KCNQ2: variants seen among roughly 807,000 people sequenced by gnomAD.
The protein encoded by KCNQ2 is potassium voltage-gated channel subfamily KQT member 2.
KCNQ2 carries 14 observed loss-of-function variants against 84.8 expected under a neutral mutation model. The ratio of observed to expected loss-of-function variants is 0.17; its 90% confidence interval spans 0.11 to 0.26. The LOEUF (loss-of-function observed/expected upper bound fraction) is 0.26. Ranked by LOEUF, KCNQ2 falls within the 10% of genes least tolerant of loss-of-function variation. KCNQ2 has a pLI of 1.00. For missense variants in KCNQ2, 788 were observed against 1,254.0 expected (o/e 0.63, Z 5.61); for synonymous variants, 599 against 554.1 (o/e 1.08, Z -1.14).
chr20:63,468,514 C>A (rs1045304773), intron 1 of KCNQ2, among the ~76,000 whole-genome samples: 1 of 152,200 alleles, frequency 6.6e-6, no homozygotes, highest in South Asian at 2.1e-4. Context: ...AGAGGCCCAG[C>A]GGCCTGTGCT....
At chr20:63,457,510 A>T (rs2081834683) in intron 1 of KCNQ2, among the ~76,000 whole-genome samples, 1 of 152,206 alleles carries the variant, frequency 6.6e-6, no homozygotes, top group African/African-American at 2.4e-5. Flanking sequence ...CCCACCTGGC[A>T]CCTACAGCCC....
At chr20:63,443,105 T>TCACCAC (rs2081276676) in intron 4 of KCNQ2, among the ~76,000 whole-genome samples, 1 of 10,998 alleles carries the variant, frequency 9.1e-5, no homozygotes, top group Non-Finnish European at 2.0e-4. Flanking sequence ...ACCATCACCA[T>TCACCAC]CACCACCACC....
chr20:63,415,156 G>GACAGAC, intron 12 of KCNQ2, 30 bp from the exon 13 acceptor site: 2 of 1,575,530 alleles, frequency 1.3e-6, no homozygotes, highest in Non-Finnish European at 1.7e-6. Flanking sequence ...CAGACAGACA[G>GACAGAC]AAAAACAGGG....
At chr20:63,412,094 G>A (rs1021245597) in intron 15 of KCNQ2, 17 of 533,580 alleles carry the variant, frequency 3.2e-5, no homozygotes, top group African/African-American at 9.9e-5. Context: ...ACTCGGGAGC[G>A]GGTGGCGGGC....
rs2079991065 is a variant in KCNQ2, at chr20:63,407,634, C to A, written c.1888-259G>T. Among the ~76,000 whole-genome samples, 1 of 150,744 alleles carries A rather than the reference C, an allele frequency of 6.6e-6. No homozygotes were observed. Among genetic ancestry groups the A allele is most frequent in the African/African-American group, 2.5e-5 (1 of 40,798 alleles). On this transcript the variant is annotated intron_variant, in intron 16 of 16. Coordinates refer to ENST00000359125, the MANE Select transcript of KCNQ2 (RefSeq NM_172107.4). This position sits in a 1 kb window ranked among gnomAD's most constrained non-coding sequence, Gnocchi z 7.2. ...AGTCCCAGGAAATGGGGGACCCAGG[C>A]TAGTCCCAGGAAATGGGGGGGACCC... is the stretch of plus-strand genomic sequence containing the variant.
chr20:63,467,203 C>T (rs2082104351), intron 1 of KCNQ2, among the ~76,000 whole-genome samples: 1 of 152,254 alleles, frequency 6.6e-6, no homozygotes, highest in Admixed American at 6.5e-5. Flanking sequence ...CTGGGCAAGG[C>T]AGCTCGGCCA....
At position 63,414,574 on chromosome 20, in the gene KCNQ2, A is replaced by G. The variant is rs1454642652; in HGVS notation, c.1525+329T>C. On this transcript the variant is annotated intron_variant, in intron 13 of 16. Transcript: ENST00000359125. This position sits in a 1 kb window ranked among gnomAD's most constrained non-coding sequence, Gnocchi z 6.6. ...GGGAGCCGCAGACACGCACGGCCCA[A>G]GAGCAGCGGGTGCTGGGGCTGAGGC... Among the ~76,000 whole-genome samples the G allele has an allele frequency of 6.6e-6, 1 of 152,066 alleles. No individual in the cohort carries two copies. The highest frequency in any genetic ancestry group is 2.4e-5 in the African/African-American group (1 of 41,416).
At chr20:63,441,999 T>A (rs1357475445) in intron 5 of KCNQ2, among the ~76,000 whole-genome samples, 1 of 152,068 alleles carries the variant, frequency 6.6e-6, no homozygotes, top group Non-Finnish European at 1.5e-5. Flanking sequence ...TCAGACCTGA[T>A]CAGAGTGGGG....
At chr20:63,419,278 G>A (rs1010031568) in intron 12 of KCNQ2, among the ~76,000 whole-genome samples, 1 of 152,204 alleles carries the variant, frequency 6.6e-6, no homozygotes, top group Admixed American at 6.5e-5. Flanking sequence ...CAGCAGAGGT[G>A]CTAGAGTGAC....
intron 10 of KCNQ2, among the ~76,000 whole-genome samples, chr20:63,427,248 A>AC (rs1491535719): frequency 6.6e-6 from 1 of 152,236 alleles, no homozygotes; most frequent in African/African-American, 2.4e-5. Flanking sequence ...ATAAAATAAT[A>AC]AAGTCATCAG....
intron 11 of KCNQ2, among the ~76,000 whole-genome samples, chr20:63,422,976 G>GT (rs2080520295): frequency 6.6e-6 from 1 of 152,150 alleles, no homozygotes; most frequent in African/African-American, 2.4e-5. Context: ...GGGGGGCACA[G>GT]TGCTCATCCC....
Position 63,464,364 on chromosome 20 carries a change from C to T in KCNQ2, c.296+7804G>A, listed in dbSNP as rs192437240. Among the ~76,000 whole-genome samples, 38 of 152,078 alleles carry T rather than the reference C, an allele frequency of 2.5e-4. No individual in the cohort carries two copies. The East Asian group carries it at 6.0e-3, about 24-fold the overall frequency. ...GTGCCCCGAGGCCTCGGGGCAGGTA[C>T]CTTAGCCTCACCCACCCCAGCCCCT... is the stretch of plus-strand genomic sequence containing the variant. On this transcript the variant is annotated intron_variant, in intron 1 of 16. Coordinates refer to ENST00000359125, the MANE Select transcript of KCNQ2 (RefSeq NM_172107.4).
Position 63,400,653 on chromosome 20 carries a change from C to A in KCNQ2, c.*5991G>T, listed in dbSNP as rs1007541392. 2.5e-6 allele frequency: 1 copy of A among 398,594 alleles called. No homozygotes were observed. The highest frequency in any genetic ancestry group is 2.1e-5 in the African/African-American group (1 of 48,650). 24.7% of individuals were successfully genotyped at this position (398,594 alleles called of 1,614,324 possible). A position where few individuals can be genotyped will look rare whatever the true frequency, so the allele number is the denominator to read the frequency against. ...AGAGGCAACGGCGCAAATGGGGAAG[C>A]TGCAGCCACCGTCACGGCCAGAGGA... On this transcript the variant is annotated 3_prime_UTR_variant, in exon 17 of 17. Coordinates refer to ENST00000359125, the MANE Select transcript of KCNQ2 (RefSeq NM_172107.4). The surrounding 1 kb of genome is among the most constrained non-coding windows in gnomAD (Gnocchi z 8.7).
rs376334369 is a variant in KCNQ2 at position 63,414,050 on chromosome 20, C to A, written c.1631+38G>T. ...AGGACCACCGAGCGGGAGGCCCCTC[C>A]TCACTCCCCCAGGCTCCCGGCTGGG... On this transcript the variant is annotated intron_variant, in intron 14 of 16. Transcript: ENST00000359125. This position sits in a 1 kb window ranked among gnomAD's most constrained non-coding sequence, Gnocchi z 6.6. 1,767 of 1,522,096 alleles carry A rather than the reference C, an allele frequency of 1.2e-3. 1 individual carries two copies. The highest frequency in any genetic ancestry group is 1.5e-3 in the Non-Finnish European group (1,657 of 1,097,276). 94.3% of individuals were successfully genotyped at this position (1,522,096 alleles called of 1,614,324 possible).
chr20:63,429,476 C>T (rs555806912), intron 9 of KCNQ2, among the ~76,000 whole-genome samples: 7 of 152,268 alleles, frequency 4.6e-5, no homozygotes, highest in Middle Eastern at 3.4e-3. Flanking sequence ...TGACTCCCTA[C>T]GCGGCTATGG....
chr20:63,406,987 T>C lies in KCNQ2; in HGVS notation c.2276A>G (p.Asn759Ser), dbSNP rs2079961921. The change falls in exon 17 of 17, where the codon AAC (asparagine) becomes AGC (serine). Residue 759 changes from asparagine (N) to serine (S), a missense_variant. Physicochemically the swap from Asn to Ser is conservative, Grantham distance 46 (BLOSUM62 1). Around this residue, in one of 8 missense-constraint regions of KCNQ2, gnomAD observed 378 missense variants for 434.5 expected, o/e 0.87. Transcript: ENST00000359125. ...CCGCAGGAACTCCATGCTGGCGCGG[T>C]TGCCCCCGCCGTAGGCGGACAGCGA... ...ERSLSAYGGGNRASMEFLRQE... is the reference protein window; with the variant it reads ...ERSLSAYGGGSRASMEFLRQE... 1 of 1,523,972 alleles carries C rather than the reference T, an allele frequency of 6.6e-7. No homozygotes were observed. Among genetic ancestry groups the C allele is most frequent in the Middle Eastern group, 1.7e-4 (1 of 5,810 alleles). 94.4% of individuals were successfully genotyped at this position (1,523,972 alleles called of 1,614,324 possible). A position where few individuals can be genotyped will look rare whatever the true frequency, so the allele number is the denominator to read the frequency against.
At chr20:63,458,222 C>G (rs949875601) in intron 1 of KCNQ2, among the ~76,000 whole-genome samples, 2 of 152,158 alleles carry the variant, frequency 1.3e-5, no homozygotes. Context: ...CGCAGAGAAG[C>G]GCCCCTGTAC....
At chr20:63,467,051 TG>T (rs1394285671) in intron 1 of KCNQ2, among the ~76,000 whole-genome samples, 3 of 152,132 alleles carry the variant, frequency 2.0e-5, no homozygotes, top group African/African-American at 7.2e-5. Flanking sequence ...CCACCATCCT[TG>T]CCCCCCATCC....
intron 4 of KCNQ2, among the ~76,000 whole-genome samples, chr20:63,442,998 TCACCACCATCACCATCAC>T (rs2081261677): frequency 1.5e-4 from 4 of 27,088 alleles, no homozygotes; most frequent in Admixed American, 3.7e-4. Context: ...ACCATCACCA[TCACCACCATCACCATCAC>T]CACCACCATC....
Sources: gnomAD v4.1 joint callset for allele counts (sites outside exome capture counted in the v4.1 genomes callset) on GRCh38, gnomAD v4.1.1 for gene constraint, gnomAD v4.1.1 regional missense constraint, Gnocchi (gnomAD v3.1) non-coding constraint, MANE v1.5 for transcripts, NCBI Gene and HGNC (gene_info 2026-07-23, HGNC 2026-07-21) for gene names.